MYT1: variants seen among roughly 807,000 people sequenced by gnomAD.
MYT1 encodes the protein myelin transcription factor 1.
A neutral mutation model predicts 123.0 loss-of-function variants in MYT1; 23 were observed. The observed-to-expected ratio is 0.19, with a 90% CI of 0.13 to 0.26. The LOEUF (loss-of-function observed/expected upper bound fraction) is 0.26. Ranked by LOEUF, MYT1 falls within the 10% of genes least tolerant of loss-of-function variation. The pLI is 1.00. For synonymous variants in MYT1, 518 were observed against 575.3 expected, an observed-to-expected ratio of 0.90 and a Z score of 1.43; for missense variants, 1,125 against 1,472.5, an observed-to-expected ratio of 0.76 and a Z score of 3.86.
chr20:64,221,559 A>G (rs79970773), intron 13 of MYT1, among the ~76,000 whole-genome samples: 1 of 152,336 alleles, frequency 6.6e-6, no homozygotes, highest in Non-Finnish European at 1.5e-5. Flanking sequence ...TCTGAAGGGA[A>G]CTGTATCCTG....
chr20:64,225,504 C>A (rs1266240661), intron 16 of MYT1, among the ~76,000 whole-genome samples: 1 of 152,214 alleles, frequency 6.6e-6, no homozygotes, highest in African/African-American at 2.4e-5. Context: ...GGGAGTTGAG[C>A]TGCAACCACA....
intron 1 of MYT1, among the ~76,000 whole-genome samples, chr20:64,184,967 G>T (rs1270146498): frequency 3.3e-5 from 5 of 152,240 alleles, no homozygotes; most frequent in Non-Finnish European, 7.3e-5. Context: ...ACGCACCGCA[G>T]TGATGTCTAG....
chr20:64,218,358 T>C lies in MYT1; in HGVS notation c.1847-553T>C, dbSNP rs1208801702. Among the ~76,000 whole-genome samples, 1 of 152,258 alleles carries C rather than the reference T, an allele frequency of 6.6e-6. No individual in the cohort carries two copies. Among genetic ancestry groups the C allele is most frequent in the African/African-American group, 2.4e-5 (1 of 41,468 alleles). Reference sequence around the variant, plus strand: ...TAACATTCTGTGCCTTCATTTGTCATGTTCATTTGAGCAATAATGTTACTT... The same window carrying C: ...TAACATTCTGTGCCTTCATTTGTCACGTTCATTTGAGCAATAATGTTACTT... On this transcript the variant is annotated intron_variant, in intron 11 of 22. Transcript: ENST00000328439. This position sits in a 1 kb window ranked among gnomAD's most constrained non-coding sequence, Gnocchi z 4.0.
At chr20:64,170,874 TATATATATATAG>T (rs1244745531) in intron 1 of MYT1, among the ~76,000 whole-genome samples, 12 of 62,550 alleles carry the variant, frequency 1.9e-4, no homozygotes, top group South Asian at 6.3e-4. Context: ...TATATATATA[TATATATATATAG>T]AGAGAGAGAG....
chr20:64,233,008 A>G (rs1984368198), intron 19 of MYT1, among the ~76,000 whole-genome samples: 1 of 151,502 alleles, frequency 6.6e-6, no homozygotes, highest in African/African-American at 2.4e-5. Context: ...TCTGTGTCCT[A>G]TGGTGACAAT....
Position 64,207,838 on chromosome 20 carries a change from C to T in MYT1, c.642C>T (p.Leu214=). The change falls in exon 7 of 23, where the codon CTC becomes CTT. Residue 214 remains leucine (L), a synonymous_variant. Transcript: ENST00000328439. The stretch of plus-strand genomic sequence containing the variant: ...CCAGCGAGGAGGGTGAAAAGGGCCT[C>T]TTCATCCAGCCAGAGGATGCCGAGG... ...GAASEEGEKG[L]FIQPEDAEEV... is the part of the protein sequence containing the mutation. 1.9e-6 allele frequency: 3 copies of T among 1,613,648 alleles called. No homozygotes were observed. Among genetic ancestry groups the T allele is most frequent in the East Asian group, 2.2e-5 (1 of 44,836 alleles).
chr20:64,176,743 A>G (rs1269860447), intron 1 of MYT1, among the ~76,000 whole-genome samples: 2 of 152,164 alleles, frequency 1.3e-5, no homozygotes, highest in Admixed American at 1.3e-4. Context: ...GCCTGGTCAC[A>G]TGGCTGAACT....
rs1291763785 is a variant in MYT1, at chr20:64,212,364, C to T, written c.1517+226C>T. Among the ~76,000 whole-genome samples the T allele has an allele frequency of 2.0e-5, 3 of 152,140 alleles. No homozygotes were observed. The highest frequency in any genetic ancestry group is 1.3e-4 in the Admixed American group (2 of 15,284). ...GGGGCTCTGGCCTGCCTGGGGCTCC[C>T]TGTGTGCTACCCTTCTCCCAGCCTG... On this transcript the variant is annotated intron_variant, in intron 9 of 22. Coordinates refer to ENST00000328439, the MANE Select transcript of MYT1 (RefSeq NM_004535.3). The surrounding 1 kb of genome is among the most constrained non-coding windows in gnomAD (Gnocchi z 6.8).
rs1473065547 is a variant in MYT1, at chr20:64,203,505, TCTCCCTCTTC to T, written c.87-1518_87-1509del. Among the ~76,000 whole-genome samples the T allele has an allele frequency of 6.6e-6, 1 of 152,000 alleles. No homozygotes were observed. Among genetic ancestry groups the T allele is most frequent in the Non-Finnish European group, 1.5e-5 (1 of 67,992 alleles). ...GTGGTGTGCCCTCCCTCTCTCGCTC[TCTCCCTCTTC>T]CTCCCTCTTCCCCTCCCTTCCCGTC... On this transcript the variant is annotated intron_variant, in intron 4 of 22. Coordinates refer to ENST00000328439, the MANE Select transcript of MYT1 (RefSeq NM_004535.3). The surrounding 1 kb of genome is among the most constrained non-coding windows in gnomAD (Gnocchi z 5.1).
chr20:64,197,078 C>A (rs1983145842), intron 2 of MYT1, among the ~76,000 whole-genome samples: 1 of 152,214 alleles, frequency 6.6e-6, no homozygotes, highest in African/African-American at 2.4e-5. Context: ...GCCATTTGTC[C>A]ATGGGGAACC....
chr20:64,176,503 C>A (rs908828037), intron 1 of MYT1, among the ~76,000 whole-genome samples: 1 of 146,774 alleles, frequency 6.8e-6, no homozygotes, highest in Non-Finnish European at 1.5e-5. Flanking sequence ...TAGCATCTTT[C>A]CTGCTCCCTG....
intron 4 of MYT1, among the ~76,000 whole-genome samples, chr20:64,200,871 G>A (rs1019600295): frequency 5.3e-5 from 8 of 152,202 alleles, no homozygotes; most frequent in Non-Finnish European, 1.2e-4. Flanking sequence ...AGCACTTCCG[G>A]TCTGGGGTCC....
At chr20:64,178,977 G>A (rs866483353) in intron 1 of MYT1, among the ~76,000 whole-genome samples, 81 of 127,016 alleles carry the variant, frequency 6.4e-4, no homozygotes, top group South Asian at 4.0e-3. Context: ...GCCGTTATTC[G>A]GTGAGATACC....
At position 64,237,232 on chromosome 20, in the gene MYT1, T is replaced by C. The variant is rs1984578649; in HGVS notation, c.2990-55T>C. On this transcript the variant is annotated intron_variant, in intron 20 of 22. Coordinates refer to ENST00000328439, the MANE Select transcript of MYT1 (RefSeq NM_004535.3). The stretch of plus-strand genomic sequence containing the variant: ...GAAAGCAGGCTTCCCCACAGCACTT[T>C]GGCCCAGGCCTGCCTGAGGCCCAAA... 6 of 1,483,094 alleles carry C rather than the reference T, an allele frequency of 4.0e-6. No homozygotes were observed. The East Asian group carries it at 1.2e-4, about 28-fold the overall frequency. The allele number at this position is 1,483,094 out of a possible 1,614,324, so 91.9% of individuals were successfully genotyped here. A position where few individuals can be genotyped will look rare whatever the true frequency, so the allele number is the denominator to read the frequency against.
chr20:64,223,195 G>T (rs772461801), intron 15 of MYT1, 22 bp downstream of exon 15: 2 of 1,613,978 alleles, frequency 1.2e-6, no homozygotes, highest in South Asian at 1.1e-5. Flanking sequence ...GCTCGGGTCC[G>T]TCTGGCCTGG....
At chr20:64,214,164 G>A (rs1268515675) in intron 10 of MYT1, among the ~76,000 whole-genome samples, 2 of 152,240 alleles carry the variant, frequency 1.3e-5, no homozygotes, top group East Asian at 3.8e-4. Context: ...TCCCCAGAGT[G>A]CTTTGTGGCC....
rs140318300 is a variant in MYT1 at position 64,196,481 on chromosome 20, G to A, written c.1-2381G>A. 4.7e-4 allele frequency among the ~76,000 whole-genome samples: 72 copies of A among 152,382 alleles called. 1 individual carries two copies. The highest frequency in any genetic ancestry group is 4.0e-3 in the Admixed American group (61 of 15,310). On this transcript the variant is annotated intron_variant, in intron 2 of 22. Transcript: ENST00000328439. The surrounding 1 kb of genome is among the most constrained non-coding windows in gnomAD (Gnocchi z 4.3). ...GCTGGTTTTGTCCAGATGCTTTCGC[G>A]TCAGCCGGCACTGCTGATTTCAAAT...
rs1475654266 is a variant in MYT1 at position 64,192,637 on chromosome 20, G to A, written c.-1+2477G>A. Among the ~76,000 whole-genome samples the A allele has an allele frequency of 2.0e-5, 3 of 152,244 alleles. No individual in the cohort carries two copies. Among genetic ancestry groups the A allele is most frequent in the Non-Finnish European group, 4.4e-5 (3 of 68,038 alleles). On this transcript the variant is annotated intron_variant, in intron 2 of 22. Coordinates refer to ENST00000328439, the MANE Select transcript of MYT1 (RefSeq NM_004535.3). The surrounding 1 kb of genome is among the most constrained non-coding windows in gnomAD (Gnocchi z 5.3). ...AGGGGCTGCCAGAAGTCAGGTGGTC[G>A]TGTGTCGGGGTATGCAGGAGCTGAT...
chr20:64,194,556 T>A (rs906682862), intron 2 of MYT1, among the ~76,000 whole-genome samples: 2 of 152,204 alleles, frequency 1.3e-5, no homozygotes, highest in African/African-American at 4.8e-5. Context: ...TGACTGGCCC[T>A]GGGCCATTGG....
Sources: allele counts gnomAD v4.1 joint callset (sites outside exome capture counted in the v4.1 genomes callset), GRCh38; gene constraint gnomAD v4.1.1; non-coding constraint Gnocchi (gnomAD v3.1); transcripts MANE v1.5; gene names NCBI Gene and HGNC (gene_info 2026-07-23, HGNC 2026-07-21).